Variants in KLRB1 observed in about 807,000 individuals in gnomAD.
KLRB1 encodes killer cell lectin-like receptor subfamily B member 1.
In KLRB1, 27 loss-of-function variants were observed where a neutral mutation model predicts 33.5. The ratio of observed to expected loss-of-function variants is 0.81; its 90% CI spans 0.59 to 1.11. KLRB1 has a LOEUF of 1.11. Ranked by LOEUF, KLRB1 falls within the 50% of genes most tolerant of loss-of-function variation. The pLI, the probability that KLRB1 is intolerant of heterozygous loss-of-function variation, is 0.00. For synonymous variants in KLRB1, 64 were observed against 88.9 expected, an observed-to-expected ratio of 0.72 and a Z score of 1.58; for missense variants, 241 against 254.1, an observed-to-expected ratio of 0.95 and a Z score of 0.35.
chr12:9,607,335 C>CTTTCTTCCTTCCTTCCTTT (rs1491505010), intron 1 of KLRB1, among the ~76,000 whole-genome samples: 1 of 65,170 alleles, frequency 1.5e-5, no homozygotes, highest in Non-Finnish European at 3.6e-5. Context: ...CTCTTTCTTT[C>CTTTCTTCCTTCCTTCCTTT]CTTTCTTTCT....
At chr12:9,607,343 T>TCTTCCTTTCTTCCTTTCTTC (rs1402075077) in intron 1 of KLRB1, among the ~76,000 whole-genome samples, 4 of 68,062 alleles carry the variant, frequency 5.9e-5, no homozygotes, top group African/African-American at 1.9e-4. Context: ...TTCCTTTCTT[T>TCTTCCTTTCTTCCTTTCTTC]CTTTCTTTCT....
rs1189218404 is a variant in KLRB1, at chr12:9,598,124, A to G, written c.452T>C (p.Leu151Pro). The G allele has an allele frequency of 6.2e-7, 1 of 1,601,626 alleles. No individual in the cohort carries two copies. Residue 151 changes from leucine to proline, a missense_variant, in exon 5 of 6, where the codon CTG (leucine) becomes CCG (proline). Physicochemically the swap from Leu to Pro is moderately conservative, Grantham distance 98. Transcript: ENST00000229402. ...TQNLIRDKAI[L>P]FWIGLNFSLS... ...TGAAAAATTTAATCCAATCCAAAAC[A>G]GAATTGCTTTGTCACGTATCAGGTT... is the stretch of plus-strand genomic sequence containing the variant.
At chr12:9,605,614 A>G (rs1864590836) in intron 1 of KLRB1, among the ~76,000 whole-genome samples, 1 of 152,248 alleles carries the variant, frequency 6.6e-6, no homozygotes, top group African/African-American at 2.4e-5. Context: ...CCATTTGGCC[A>G]TAAGCAAGAT....
chr12:9,606,547 A>G (rs1006137994), intron 1 of KLRB1: 1 of 151,452 alleles, frequency 6.6e-6, no homozygotes, highest in African/African-American at 2.4e-5. Context: ...ACTATCAGGT[A>G]GTAATGATAT....
In KLRB1 at chr12:9,607,332, T is replaced by TTTCCTTTCTTTC. The variant is rs1555097747; in HGVS notation, c.85+411_85+422dup. 1.4e-3 allele frequency among the ~76,000 whole-genome samples: 84 copies of TTTCCTTTCTTTC among 58,664 alleles called. 1 individual carries two copies. Among genetic ancestry groups the TTTCCTTTCTTTC allele is most frequent in the African/African-American group, 3.7e-3 (81 of 21,988 alleles). The allele number at this position is 58,664 out of a possible 152,430, so 38.5% of individuals were successfully genotyped here. On this transcript the variant is annotated intron_variant, in intron 1 of 5. Coordinates refer to ENST00000229402, the MANE Select transcript of KLRB1 (RefSeq NM_002258.3). ...TTCTTTCTTCTTTTCTTTCTCTTTC[T>TTTCCTTTCTTTC]TTCCTTTCTTTCTTTCTTTCTTCCT...
chr12:9,604,383 G>A (rs1864577294), intron 1 of KLRB1, among the ~76,000 whole-genome samples: 2 of 145,964 alleles, frequency 1.4e-5, no homozygotes, highest in African/African-American at 5.1e-5. Flanking sequence ...CACTTCTGTT[G>A]GATGTTATCA....
intron 1 of KLRB1, among the ~76,000 whole-genome samples, chr12:9,607,405 T>TTTC (rs1565444748): frequency 0.028 from 1,280 of 46,470 alleles, 10 homozygotes; most frequent in Non-Finnish European, 0.04. Context: ...TCTTTCTTTC[T>TTTC]TTTCTTTCTT....
chr12:9,604,017 TG>T (rs1386294916), intron 1 of KLRB1, among the ~76,000 whole-genome samples: 10 of 149,882 alleles, frequency 6.7e-5, no homozygotes, highest in African/African-American at 1.5e-4. Context: ...TTCTAAAAGT[TG>T]TTTTTTTTTT....
rs1466964950 is a variant in KLRB1, at chr12:9,594,958, A to G, written c.*316T>C. Reference sequence around the variant, plus strand: ...GTCAGCTCTCCCTTTCTGAATCTACAATTTCTCCACTGTTTTAAACACAAA... The same window carrying G: ...GTCAGCTCTCCCTTTCTGAATCTACGATTTCTCCACTGTTTTAAACACAAA... On this transcript the variant is annotated 3_prime_UTR_variant, in exon 6 of 6. Coordinates refer to ENST00000229402, the MANE Select transcript of KLRB1 (RefSeq NM_002258.3). 2 of 214,838 alleles carry G rather than the reference A, an allele frequency of 9.3e-6. No individual in the cohort carries two copies. The highest frequency in any genetic ancestry group is 4.6e-5 in the African/African-American group (2 of 43,360). 13.3% of individuals were successfully genotyped at this position (214,838 alleles called of 1,614,324 possible).
In KLRB1 at chr12:9,594,979, A is replaced by T. The variant is rs1271053334; in HGVS notation, c.*295T>A. 2 of 274,804 alleles carry T rather than the reference A, an allele frequency of 7.3e-6. No individual in the cohort carries two copies. The highest frequency in any genetic ancestry group is 1.4e-5 in the Non-Finnish European group (2 of 146,600). The allele number at this position is 274,804 out of a possible 1,614,324, so 17.0% of individuals were successfully genotyped here. A position where few individuals can be genotyped will look rare whatever the true frequency, so the allele number is the denominator to read the frequency against. On this transcript the variant is annotated 3_prime_UTR_variant, in exon 6 of 6. Transcript: ENST00000229402. ...CTACAATTTCTCCACTGTTTTAAAC[A>T]CAAAACAATCATATACCAATCTGGC...
intron 1 of KLRB1, among the ~76,000 whole-genome samples, chr12:9,604,350 A>G (rs1056893584): frequency 6.6e-6 from 1 of 152,120 alleles, no homozygotes. Context: ...AATGGCTCAT[A>G]TGTCCCTATT....
intron 1 of KLRB1, 59 bp from the exon 2 acceptor site, chr12:9,601,658 G>T: frequency 2.6e-6 from 3 of 1,173,080 alleles, no homozygotes; most frequent in Non-Finnish European, 2.5e-6. Context: ...AAAAACCTTG[G>T]TTAACTCAGT....
rs1178864711 is a variant in KLRB1, at chr12:9,598,040, A to G, written c.530+6T>C. 8.1e-7 allele frequency: 1 copy of G among 1,233,506 alleles called. No individual in the cohort carries two copies. The highest frequency in any genetic ancestry group is 2.3e-5 in the East Asian group (1 of 42,662). The allele number at this position is 1,233,506 out of a possible 1,614,324, so 76.4% of individuals were successfully genotyped here. On this transcript the variant is annotated splice_donor_region_variant and intron_variant, in intron 5 of 5. Coordinates refer to ENST00000229402, the MANE Select transcript of KLRB1 (RefSeq NM_002258.3). ...GAATATTAAAGTTAGCTCATCTAAT[A>G]CTCACTCATTAGAATTTAAAAAAGA...
At chr12:9,607,347 TCTTTCTTC>T (rs1308122167) in intron 1 of KLRB1, among the ~76,000 whole-genome samples, 739 of 71,224 alleles carry the variant, frequency 0.01, 16 homozygotes, top group African/African-American at 0.023. Context: ...TTTCTTTCTT[TCTTTCTTC>T]CTTTCTTTCT....
chr12:9,598,373 G>C, intron 4 of KLRB1, 126 bp downstream of exon 4: 1 of 808,122 alleles, frequency 1.2e-6, no homozygotes, highest in Non-Finnish European at 2.0e-6. Context: ...TATCCATGTA[G>C]TCATTCAAAT....
At chr12:9,597,788 G>A (rs763238549) in intron 5 of KLRB1, among the ~76,000 whole-genome samples, 4 of 152,118 alleles carry the variant, frequency 2.6e-5, no homozygotes, top group South Asian at 2.1e-4. Context: ...TAATGTGCCC[G>A]TTTCAAATAA....
At position 9,595,008 on chromosome 12, in the gene KLRB1, T is replaced by C. The variant is rs766352518; in HGVS notation, c.*266A>G. 1.2e-4 allele frequency: 47 copies of C among 391,224 alleles called. No homozygotes were observed. The highest frequency in any genetic ancestry group is 1.8e-4 in the Non-Finnish European group (38 of 215,918). 24.2% of individuals were successfully genotyped at this position (391,224 alleles called of 1,614,324 possible). ...AACAATCATATACCAATCTGGCATA[T>C]TCGGGGACATCCTTCACTCCTTCAC... On this transcript the variant is annotated 3_prime_UTR_variant, in exon 6 of 6. Coordinates refer to ENST00000229402, the MANE Select transcript of KLRB1 (RefSeq NM_002258.3).
intron 3 of KLRB1, among the ~76,000 whole-genome samples, chr12:9,599,332 C>A (rs1433662181): frequency 6.6e-6 from 1 of 152,158 alleles, no homozygotes; most frequent in Non-Finnish European, 1.5e-5. Context: ...TATTAACACA[C>A]ACTGGAACAA....
chr12:9,597,304 T>G (rs953345597), intron 5 of KLRB1, among the ~76,000 whole-genome samples: 1 of 152,202 alleles, frequency 6.6e-6, no homozygotes, highest in African/African-American at 2.4e-5. Flanking sequence ...TTAAAAGTTC[T>G]TTACAGAAAT....
Sources: allele counts gnomAD v4.1 joint callset (sites outside exome capture counted in the v4.1 genomes callset), GRCh38; gene constraint gnomAD v4.1.1; transcripts MANE v1.5; gene names NCBI Gene and HGNC (gene_info 2026-07-23, HGNC 2026-07-21).